The following ZNF541 variants were observed in gnomAD, a reference collection of about 807,000 sequenced individuals.
ZNF541 encodes the protein zinc finger protein 541.
In ZNF541, 23 loss-of-function variants were observed where a neutral mutation model predicts 123.5. That is an observed-to-expected ratio of 0.19 (90% CI 0.13 to 0.26). The LOEUF is 0.26. ZNF541 is among the 10% of genes least tolerant of loss of function. ZNF541 has a pLI of 1.00. For missense variants in ZNF541, 1,612 were observed against 1,789.9 expected, an observed-to-expected ratio of 0.90 and a Z score of 1.79; for synonymous variants, 751 against 754.5, an observed-to-expected ratio of 1.00 and a Z score of 0.08.
intron 2 of ZNF541, among the ~76,000 whole-genome samples, chr19:47,570,549 T>A (rs1971437972): frequency 8.4e-6 from 1 of 119,648 alleles, no homozygotes; most frequent in African/African-American, 3.3e-5. Context: ...TGCACTCCAG[T>A]CTGGGCGACA....
chr19:47,539,297 C>CTTTTTTTTTTTTTTTTTTTTTTTTTT (rs1001789975), intron 8 of ZNF541, among the ~76,000 whole-genome samples: 1 of 125,842 alleles, frequency 7.9e-6, no homozygotes, highest in Non-Finnish European at 1.7e-5. Flanking sequence ...TCAAGATTTT[C>CTTTTTTTTTTTTTTTTTTTTTTTTTT]TTTTTTTTTT....
At chr19:47,538,990 C>T (rs1969957735) in intron 8 of ZNF541, among the ~76,000 whole-genome samples, 1 of 152,174 alleles carries the variant, frequency 6.6e-6, no homozygotes, top group Non-Finnish European at 1.5e-5. Flanking sequence ...TCCTCATCCT[C>T]TAGGTCTCAG....
At chr19:47,567,729 G>A (rs113115917) in intron 2 of ZNF541, among the ~76,000 whole-genome samples, 31 of 152,314 alleles carry the variant, frequency 2.0e-4, no homozygotes, top group African/African-American at 6.7e-4. Context: ...ACAATTGGTT[G>A]GAGGTGAGAA....
intron 4 of ZNF541, 147 bp from the exon 5 acceptor site, chr19:47,546,127 G>T: frequency 1.7e-6 from 1 of 596,518 alleles, no homozygotes. Flanking sequence ...AGACCACCCA[G>T]CAAACCCTGC....
At chr19:47,528,044 G>A (rs560486816) in intron 14 of ZNF541, among the ~76,000 whole-genome samples, 2 of 132,876 alleles carry the variant, frequency 1.5e-5, no homozygotes, top group Non-Finnish European at 3.2e-5. Context: ...GCCGGGCGCC[G>A]TGGCTCACGC....
In ZNF541 at chr19:47,539,890, AGAG is replaced by A. The variant is rs1431138443; in HGVS notation, c.2623-15_2623-13del. ...TCTGTGCCAAACACCTAAACACAGAAGAGAAGAGATGGCTCTTTAAGAGATAAG... is the reference window on the plus strand; with the variant it reads ...TCTGTGCCAAACACCTAAACACAGAAAAGAGATGGCTCTTTAAGAGATAAG... On this transcript the variant is annotated splice_polypyrimidine_tract_variant and intron_variant, in intron 7 of 16. Coordinates refer to ENST00000391901, the MANE Select transcript of ZNF541 (RefSeq NM_001277075.3). 3 of 1,523,350 alleles carry A rather than the reference AGAG, an allele frequency of 2.0e-6. No homozygotes were observed. The South Asian group carries it at 3.8e-5, about 19-fold the overall frequency. The allele number at this position is 1,523,350 out of a possible 1,614,324, so 94.4% of individuals were successfully genotyped here.
At position 47,545,065 on chromosome 19, in the gene ZNF541, G is replaced by A; in HGVS notation, c.1464C>T (p.Asp488=). ...LLRVPAEAPS[D]PRSASGEDDP... Reference sequence around the variant, plus strand: ...CATCTTCCCCGCTGGCCGACCTGGGGTCGCTCGGGGCCTCCGCGGGGACCC... The same window carrying A: ...CATCTTCCCCGCTGGCCGACCTGGGATCGCTCGGGGCCTCCGCGGGGACCC... The change falls in exon 5 of 17, where the codon GAC becomes GAT. Residue 488 remains aspartate (D), a synonymous_variant. Coordinates refer to ENST00000391901, the MANE Select transcript of ZNF541 (RefSeq NM_001277075.3). This position sits in a 1 kb window ranked among gnomAD's most constrained non-coding sequence, Gnocchi z 7.5. 6.8e-7 allele frequency: 1 copy of A among 1,478,498 alleles called. No individual in the cohort carries two copies. The highest frequency in any genetic ancestry group is 1.4e-5 in the African/African-American group (1 of 71,186). 91.6% of individuals were successfully genotyped at this position (1,478,498 alleles called of 1,614,324 possible). A position where few individuals can be genotyped will look rare whatever the true frequency, so the allele number is the denominator to read the frequency against.
chr19:47,543,298 C>T (rs773354604), intron 5 of ZNF541, among the ~76,000 whole-genome samples: 18 of 152,044 alleles, frequency 1.2e-4, no homozygotes, highest in African/African-American at 3.9e-4. Flanking sequence ...GACAGGGTTT[C>T]GCCATGTTGC....
At chr19:47,530,368 G>C (rs1487557232) in intron 12 of ZNF541, among the ~76,000 whole-genome samples, 1 of 140,726 alleles carries the variant, frequency 7.1e-6, no homozygotes, top group African/African-American at 2.6e-5. Context: ...ATTTTTAGTA[G>C]AGACGGGATT....
intron 8 of ZNF541, among the ~76,000 whole-genome samples, chr19:47,539,335 T>C (rs1969975255): frequency 6.7e-6 from 1 of 149,908 alleles, no homozygotes; most frequent in African/African-American, 2.5e-5. Context: ...AGTCTCACTC[T>C]GTTACCCAGG....
At chr19:47,527,320 C>T (rs1191627783) in intron 14 of ZNF541, among the ~76,000 whole-genome samples, 2 of 152,070 alleles carry the variant, frequency 1.3e-5, no homozygotes, top group African/African-American at 4.8e-5. Flanking sequence ...CAATTATGTG[C>T]AATTTTGTAT....
At chr19:47,565,157 GA>G (rs1453350876) in intron 2 of ZNF541, among the ~76,000 whole-genome samples, 1 of 149,588 alleles carries the variant, frequency 6.7e-6, no homozygotes, top group East Asian at 2.0e-4. Context: ...GACTTGGGGG[GA>G]AAGGGTGGGA....
Position 47,521,682 on chromosome 19 carries a change from G to C in ZNF541, c.3712-28C>G. 1 of 1,549,706 alleles carries C rather than the reference G, an allele frequency of 6.5e-7. No individual in the cohort carries two copies. Among genetic ancestry groups the C allele is most frequent in the Non-Finnish European group, 8.7e-7 (1 of 1,145,796 alleles). ...GCAGAGGGAGCAAAAGTGACATAAG[G>C]GTGCTGACCTGTCCTGCTGTAAGAG... is the stretch of plus-strand genomic sequence containing the variant. On this transcript the variant is annotated intron_variant, in intron 15 of 16. Coordinates refer to ENST00000391901, the MANE Select transcript of ZNF541 (RefSeq NM_001277075.3). This position sits in a 1 kb window ranked among gnomAD's most constrained non-coding sequence, Gnocchi z 4.2.
rs906821674 is a variant in ZNF541, at chr19:47,530,361, T to A, written c.3406-709A>T. On this transcript the variant is annotated intron_variant, in intron 12 of 16. Transcript: ENST00000391901. ...TTTTTTTTTTTTTTTTTTTTGTATT[T>A]TTAGTAGAGACGGGATTTTACCATG... Among the ~76,000 whole-genome samples, 4 of 150,646 alleles carry A rather than the reference T, an allele frequency of 2.7e-5. No individual in the cohort carries two copies. The East Asian group carries it at 7.8e-4, about 29-fold the overall frequency.
intron 14 of ZNF541, among the ~76,000 whole-genome samples, chr19:47,525,382 T>G (rs1048813195): frequency 1.3e-5 from 2 of 150,694 alleles, no homozygotes; most frequent in East Asian, 1.9e-4. Context: ...TTTTGTTTTG[T>G]TTTTTTTGGT....
In ZNF541 at chr19:47,526,734, T is replaced by C. The variant is rs115633025; in HGVS notation, c.3570+2216A>G. 4.0e-3 allele frequency among the ~76,000 whole-genome samples: 606 copies of C among 152,018 alleles called. 5 individuals carry two copies. The highest frequency in any genetic ancestry group is 0.014 in the African/African-American group (584 of 41,546). ...AACTAGAAATCTCTTTTCCTGCCGG[T>C]AGGAATGTGAAATGATACAACTACT... is the stretch of plus-strand genomic sequence containing the variant. On this transcript the variant is annotated intron_variant, in intron 14 of 16. Transcript: ENST00000391901.
At chr19:47,536,850 GATAA>G (rs1486227229) in intron 9 of ZNF541, among the ~76,000 whole-genome samples, 3 of 152,118 alleles carry the variant, frequency 2.0e-5, no homozygotes, top group African/African-American at 4.8e-5. Context: ...TCCATCAACT[GATAA>G]ATAAACAAAA....
intron 6 of ZNF541, 107 bp from the exon 7 acceptor site, chr19:47,540,442 CT>C (rs776309064): frequency 0.15 from 138,070 of 898,294 alleles, 8 homozygotes; most frequent in South Asian, 0.19. Context: ...AATCCACTGA[CT>C]TTTTTTTTTT....
Position 47,550,433 on chromosome 19 carries a change from GGAAAAGAAAGAAA to G in ZNF541, c.308-961_308-949del, listed in dbSNP as rs576902565. Among the ~76,000 whole-genome samples the G allele has an allele frequency of 5.5e-3, 840 of 151,564 alleles. 5 individuals are homozygous for G. The highest frequency in any genetic ancestry group is 9.5e-3 in the Non-Finnish European group (648 of 67,926). The stretch of plus-strand genomic sequence containing the variant: ...GAAAGGAAAGAAAAAGAAAAAGAAA[GGAAAAGAAAGAAA>G]GAAAAGAAAGAAAGAATCAGATGGA... On this transcript the variant is annotated intron_variant, in intron 3 of 16. Transcript: ENST00000391901.
Sources: gnomAD v4.1 joint callset for allele counts (sites outside exome capture counted in the v4.1 genomes callset) on GRCh38, gnomAD v4.1.1 for gene constraint, Gnocchi (gnomAD v3.1) non-coding constraint, MANE v1.5 for transcripts, NCBI Gene and HGNC (gene_info 2026-07-23, HGNC 2026-07-21) for gene names.